The following MYSM1 variants were observed in gnomAD, a reference collection of about 807,000 sequenced individuals.
MYSM1 encodes the protein Myb like, SWIRM and MPN domains 1, also known as deubiquitinase MYSM1.
In MYSM1, 51 loss-of-function variants were observed where a neutral mutation model predicts 116.0. The ratio of observed to expected loss-of-function variants is 0.44; its 90% confidence interval spans 0.35 to 0.56. The LOEUF is 0.56. Among genes scored for constraint, MYSM1 ranks in the 20% least tolerant of loss-of-function variants. The pLI, the probability that MYSM1 is intolerant of heterozygous loss-of-function variation, is 0.00. For missense variants in MYSM1, 900 were observed against 974.9 expected (o/e 0.92, Z 1.02); for synonymous variants, 313 against 315.2 (o/e 0.99, Z 0.07).
intron 10 of MYSM1, 42 bp downstream of exon 10, chr1:58,675,435 A>G (rs1402802450): frequency 1.4e-6 from 2 of 1,415,922 alleles, no homozygotes; most frequent in African/African-American, 1.4e-5. Flanking sequence ...AAACAGAGTA[A>G]GCAGCAATGT....
At chr1:58,664,407 C>A (rs1644438004) in intron 17 of MYSM1, among the ~76,000 whole-genome samples, 1 of 152,134 alleles carries the variant, frequency 6.6e-6, no homozygotes, top group Non-Finnish European at 1.5e-5. Flanking sequence ...AGATGCAAAG[C>A]AATTTATTAG....
intron 16 of MYSM1, among the ~76,000 whole-genome samples, chr1:58,666,023 C>G (rs1644464275): frequency 6.6e-6 from 1 of 151,932 alleles, no homozygotes; most frequent in Non-Finnish European, 1.5e-5. Context: ...CACCACTGCA[C>G]TCTAGCCTGG....
chr1:58,685,726 C>T (rs1418852532), intron 6 of MYSM1, among the ~76,000 whole-genome samples: 2 of 152,136 alleles, frequency 1.3e-5, no homozygotes, highest in Non-Finnish European at 2.9e-5. Context: ...TTTACTCTAT[C>T]AGATATCACA....
intron 1 of MYSM1, among the ~76,000 whole-genome samples, chr1:58,697,332 T>C (rs764707835): frequency 1.3e-5 from 2 of 150,496 alleles, no homozygotes; most frequent in Admixed American, 6.6e-5. Flanking sequence ...GAGAACTGGA[T>C]AAATGGATCT....
Position 58,658,994 on chromosome 1 carries a change from C to CACACACAA in MYSM1, c.*1002_*1003insTTGTGTGT, listed in dbSNP as rs1231087626. The CACACACAA allele has an allele frequency of 2.0e-5, 3 of 150,650 alleles. No homozygotes were observed. The highest frequency in any genetic ancestry group is 1.9e-4 in the East Asian group (1 of 5,180). The allele number at this position is 150,650 out of a possible 1,614,324, so 9.3% of individuals were successfully genotyped here. Reference sequence around the variant, plus strand: ...ACACACACACACACACACACACACACAAAGAAGAATGTCTCATAGACATCA... The same window carrying CACACACAA: ...ACACACACACACACACACACACACACACACACAAAAAGAAGAATGTCTCATAGACATCA... On this transcript the variant is annotated 3_prime_UTR_variant, in exon 20 of 20. Coordinates refer to ENST00000472487, the MANE Select transcript of MYSM1 (RefSeq NM_001085487.3).
intron 19 of MYSM1, 71 bp from the exon 20 acceptor site, chr1:58,660,226 C>T (rs1451524594): frequency 1.1e-5 from 11 of 981,974 alleles, no homozygotes; most frequent in Admixed American, 9.7e-5. Context: ...ATCACTATTT[C>T]GTCCCTTTCC....
chr1:58,673,784 G>A (rs1644601501), intron 10 of MYSM1, 134 bp from the exon 11 acceptor site: 1 of 686,966 alleles, frequency 1.5e-6, no homozygotes. Flanking sequence ...ATAACCTCTG[G>A]CAATGACTGA....
rs1569788700 is a variant in MYSM1, at chr1:58,688,141, T to C, written c.399+897A>G. On this transcript the variant is annotated intron_variant, in intron 6 of 19. Transcript: ENST00000472487. ...AAATCACCAGTATAGGAACAAGTCT[T>C]GAAGAGATAAAAACCTCAAGATCAT... Among the ~76,000 whole-genome samples the C allele has an allele frequency of 4.6e-5, 7 of 151,998 alleles. 2 individuals are homozygous for C. Among genetic ancestry groups the C allele is most frequent in the Admixed American group, 4.6e-4 (7 of 15,256 alleles).
At chr1:58,699,037 G>T (rs920147357) in intron 1 of MYSM1, among the ~76,000 whole-genome samples, 1 of 152,190 alleles carries the variant, frequency 6.6e-6, no homozygotes, top group African/African-American at 2.4e-5. Flanking sequence ...AGCTAATACA[G>T]TTCTAAGGAA....
chr1:58,696,895 G>C (rs1448069150), intron 1 of MYSM1, among the ~76,000 whole-genome samples: 1 of 152,154 alleles, frequency 6.6e-6, no homozygotes, highest in African/African-American at 2.4e-5. Flanking sequence ...AAAGAATGAG[G>C]ATTTTATCAA....
chr1:58,699,857 A>G, intron 1 of MYSM1, 128 bp downstream of exon 1: 1 of 1,464,968 alleles, frequency 6.8e-7, no homozygotes, highest in Non-Finnish European at 9.0e-7. Context: ...CCAGGCCAAC[A>G]AGAGACCCTG....
chr1:58,658,612 C>T lies in MYSM1; in HGVS notation c.*1385G>A, dbSNP rs1361571702. 6.6e-6 allele frequency: 1 copy of T among 151,942 alleles called. No homozygotes were observed. 9.4% of individuals were successfully genotyped at this position (151,942 alleles called of 1,614,324 possible). On this transcript the variant is annotated 3_prime_UTR_variant, in exon 20 of 20. Transcript: ENST00000472487. ...CATTGGCTATTGATTACAAACAAAG[C>T]AAAATATAGAATCAATCTGATTTAG...
rs920140803 is a variant in MYSM1, at chr1:58,685,050, A to C, written c.498+103T>G. 1.1e-4 allele frequency: 100 copies of C among 922,000 alleles called. No homozygotes were observed. In the East Asian group the frequency reaches 2.7e-3, roughly 25 times the overall value. The allele number at this position is 922,000 out of a possible 1,614,324, so 57.1% of individuals were successfully genotyped here. A position where few individuals can be genotyped will look rare whatever the true frequency, so the allele number is the denominator to read the frequency against. On this transcript the variant is annotated intron_variant, in intron 7 of 19. Transcript: ENST00000472487. ...CTATGTGGGTATAAAATACTTTAAAAACTTTTACCAGTAAGACTTTAATGC... is the reference window on the plus strand; with the variant it reads ...CTATGTGGGTATAAAATACTTTAAACACTTTTACCAGTAAGACTTTAATGC...
At chr1:58,660,668 C>T (rs1429511662) in intron 19 of MYSM1, among the ~76,000 whole-genome samples, 7 of 152,034 alleles carry the variant, frequency 4.6e-5, no homozygotes, top group African/African-American at 1.7e-4. Flanking sequence ...AATTTTCTAT[C>T]CCCAATTGCT....
chr1:58,670,316 C>T (rs765241310), intron 12 of MYSM1, among the ~76,000 whole-genome samples: 8 of 152,138 alleles, frequency 5.3e-5, no homozygotes, highest in Non-Finnish European at 7.3e-5. Context: ...GATATGGAAC[C>T]GCTGTCAGTG....
chr1:58,672,970 T>C (rs892238969), intron 11 of MYSM1, among the ~76,000 whole-genome samples: 4 of 152,170 alleles, frequency 2.6e-5, no homozygotes, highest in African/African-American at 7.2e-5. Context: ...TTTGAGTACT[T>C]TGTGCATGCA....
At chr1:58,699,843 C>T in intron 1 of MYSM1, 142 bp downstream of exon 1, 1 of 1,422,386 alleles carries the variant, frequency 7.0e-7, no homozygotes, top group African/African-American at 1.4e-5. Flanking sequence ...GGGCGAGGTG[C>T]CTCCCAGGCC....
At chr1:58,672,564 T>C (rs1644579517) in intron 11 of MYSM1, among the ~76,000 whole-genome samples, 1 of 152,180 alleles carries the variant, frequency 6.6e-6, no homozygotes, top group Non-Finnish European at 1.5e-5. Context: ...TAAGTGTTTA[T>C]AAAATAAAGT....
chr1:58,670,182 T>C (rs1225373235), intron 12 of MYSM1, among the ~76,000 whole-genome samples: 2 of 152,182 alleles, frequency 1.3e-5, no homozygotes, highest in African/African-American at 4.8e-5. Context: ...CATTCAAAGA[T>C]ACTTGTTGAA....
Sources: allele counts gnomAD v4.1 joint callset (sites outside exome capture counted in the v4.1 genomes callset), GRCh38; gene constraint gnomAD v4.1.1; transcripts MANE v1.5; gene names NCBI Gene and HGNC (gene_info 2026-07-23, HGNC 2026-07-21).